The following NLGN1 variants were observed in gnomAD, a reference collection of about 807,000 sequenced individuals.
The protein encoded by NLGN1 is neuroligin-1.
In NLGN1, 12 loss-of-function variants were observed where a neutral mutation model predicts 65.5. The ratio of observed to expected loss-of-function variants is 0.18; its 90% CI spans 0.12 to 0.30. The LOEUF (loss-of-function observed/expected upper bound fraction) is 0.30, where lower values mean the gene tolerates loss of function less well. Ranked by LOEUF, NLGN1 falls within the 10% of genes least tolerant of loss-of-function variation. NLGN1 has a pLI of 1.00. For missense variants in NLGN1, 750 were observed against 1,007.1 expected, an observed-to-expected ratio of 0.74 and a Z score of 3.46; for synonymous variants, 350 against 359.5, an observed-to-expected ratio of 0.97 and a Z score of 0.30.
At chr3:173,651,348 T>C (rs1392292835) in intron 3 of NLGN1, among the ~76,000 whole-genome samples, 1 of 151,684 alleles carries the variant, frequency 6.6e-6, no homozygotes, top group Non-Finnish European at 1.5e-5. Flanking sequence ...ATATTACTTT[T>C]TTATTCGCTC....
intron 1 of NLGN1, among the ~76,000 whole-genome samples, chr3:173,426,525 T>G (rs1716143324): frequency 6.6e-6 from 1 of 152,002 alleles, no homozygotes; most frequent in African/African-American, 2.4e-5. Flanking sequence ...TTGTTGAGAG[T>G]TTTTATTATG....
At chr3:174,191,081 G>C (rs1329192784) in intron 4 of NLGN1, among the ~76,000 whole-genome samples, 1 of 152,004 alleles carries the variant, frequency 6.6e-6, no homozygotes, top group Non-Finnish European at 1.5e-5. Context: ...GTTAGCAGAA[G>C]CCTTTCCATA....
chr3:173,717,601 T>G (rs933698952), intron 3 of NLGN1, among the ~76,000 whole-genome samples: 4 of 152,200 alleles, frequency 2.6e-5, no homozygotes, highest in African/African-American at 9.6e-5. Flanking sequence ...ATTTTCTTTT[T>G]TATTATAATT....
intron 4 of NLGN1, among the ~76,000 whole-genome samples, chr3:174,135,895 G>A (rs6445140): frequency 0.29 from 43,894 of 151,912 alleles, 8,479 homozygotes; most frequent in African/African-American, 0.56. Context: ...AATAAAATGG[G>A]AACTATTATT....
At chr3:174,170,636 A>G (rs183399685) in intron 4 of NLGN1, among the ~76,000 whole-genome samples, 70 of 152,348 alleles carry the variant, frequency 4.6e-4, no homozygotes, top group African/African-American at 1.7e-3. Context: ...GAGAGCAGCT[A>G]CCAAAATGCT....
At chr3:174,032,208 A>T (rs1053801579) in intron 4 of NLGN1, among the ~76,000 whole-genome samples, 4 of 152,202 alleles carry the variant, frequency 2.6e-5, no homozygotes, top group Non-Finnish European at 2.9e-5. Flanking sequence ...ATGAAGACCT[A>T]GGATTCAGTA....
chr3:173,939,109 G>A (rs1745540528), intron 4 of NLGN1, among the ~76,000 whole-genome samples: 1 of 152,132 alleles, frequency 6.6e-6, no homozygotes, highest in Admixed American at 6.5e-5. Context: ...TCTTTAGCTA[G>A]CCTGTAACAC....
chr3:173,579,334 A>G (rs751416303), intron 2 of NLGN1, among the ~76,000 whole-genome samples: 8 of 152,150 alleles, frequency 5.3e-5, no homozygotes, highest in Non-Finnish European at 1.0e-4. Flanking sequence ...AATTAGCCTG[A>G]TGTGATGGCA....
intron 3 of NLGN1, among the ~76,000 whole-genome samples, chr3:173,723,100 G>A (rs572956253): frequency 6.6e-6 from 1 of 152,272 alleles, no homozygotes; most frequent in Non-Finnish European, 1.5e-5. Context: ...TGTGACACAA[G>A]GGTTCATGGC....
chr3:174,241,788 A>C (rs974433599), intron 4 of NLGN1, among the ~76,000 whole-genome samples: 4 of 151,792 alleles, frequency 2.6e-5, no homozygotes, highest in Admixed American at 2.6e-4. Flanking sequence ...CCTCCCGAGC[A>C]GCTGGGACTA....
intron 4 of NLGN1, among the ~76,000 whole-genome samples, chr3:174,079,200 A>G (rs1384017314): frequency 6.6e-6 from 1 of 152,170 alleles, no homozygotes; most frequent in Non-Finnish European, 1.5e-5. Flanking sequence ...AAGAAAAAAA[A>G]AACTTTCCCA....
chr3:173,885,760 A>G (rs1295371581), intron 4 of NLGN1, among the ~76,000 whole-genome samples: 2 of 152,222 alleles, frequency 1.3e-5, no homozygotes, highest in Non-Finnish European at 2.9e-5. Context: ...GAAGAAATAA[A>G]CTTCAGGGAA....
chr3:173,960,193 C>T (rs1041784889), intron 4 of NLGN1, among the ~76,000 whole-genome samples: 1 of 151,940 alleles, frequency 6.6e-6, no homozygotes, highest in Non-Finnish European at 1.5e-5. Context: ...ACAGTGTATT[C>T]ATTACTTCCT....
At chr3:173,627,969 C>T (rs1383141851) in intron 3 of NLGN1, among the ~76,000 whole-genome samples, 1 of 151,762 alleles carries the variant, frequency 6.6e-6, no homozygotes, top group Non-Finnish European at 1.5e-5. Context: ...CAGTATTTGT[C>T]CACTGAACTT....
At chr3:174,222,213 G>A (rs1013100552) in intron 4 of NLGN1, among the ~76,000 whole-genome samples, 11 of 151,842 alleles carry the variant, frequency 7.2e-5, no homozygotes, top group African/African-American at 2.2e-4. Flanking sequence ...ACAATCATGC[G>A]GTCTGTGATT....
intron 4 of NLGN1, among the ~76,000 whole-genome samples, chr3:174,229,071 C>T (rs1004251279): frequency 2.0e-5 from 3 of 152,202 alleles, no homozygotes; most frequent in African/African-American, 2.4e-5. Flanking sequence ...TTCCTGGCTG[C>T]GTAAACCTGG....
chr3:174,130,329 G>A (rs1475482287), intron 4 of NLGN1, among the ~76,000 whole-genome samples: 2 of 152,130 alleles, frequency 1.3e-5, no homozygotes, highest in African/African-American at 2.4e-5. Flanking sequence ...AGCCGAGATC[G>A]CGCCGTTGCA....
intron 4 of NLGN1, among the ~76,000 whole-genome samples, chr3:173,988,631 C>T (rs930862607): frequency 9.9e-5 from 15 of 152,114 alleles, no homozygotes; most frequent in Admixed American, 6.6e-5. Flanking sequence ...TTAATAATGC[C>T]TCCTGAAAGA....
intron 2 of NLGN1, among the ~76,000 whole-genome samples, chr3:173,600,145 A>G (rs1316908629): frequency 6.6e-6 from 1 of 151,492 alleles, no homozygotes; most frequent in African/African-American, 2.4e-5. Context: ...AATCTATGTG[A>G]GATTTGTATA....
Sources: gnomAD v4.1 joint callset for allele counts (sites outside exome capture counted in the v4.1 genomes callset) on GRCh38, gnomAD v4.1.1 for gene constraint, MANE v1.5 for transcripts, NCBI Gene and HGNC (gene_info 2026-07-23, HGNC 2026-07-21) for gene names.